CEP43: variants seen among roughly 807,000 people sequenced by gnomAD.
CEP43 encodes FGFR1 oncogene partner.
A neutral mutation model predicts 52.6 loss-of-function variants in CEP43; 36 were observed. The observed-to-expected ratio is 0.68, with a 90% CI of 0.52 to 0.90. The LOEUF is 0.90. Ranked by LOEUF, CEP43 falls within the 40% of genes least tolerant of loss-of-function variation. The pLI, the probability that CEP43 is intolerant of heterozygous loss-of-function variation, is 0.00. For missense variants in CEP43, 506 were observed against 472.8 expected (o/e 1.07, Z -0.65); for synonymous variants, 192 against 172.4 (o/e 1.11, Z -0.89).
At position 167,046,842 on chromosome 6, in the gene CEP43, G is replaced by C. The variant is rs1780806884; in HGVS notation, c.*6864G>C. 1 of 152,260 alleles carries C rather than the reference G, an allele frequency of 6.6e-6. No individual in the cohort carries two copies. The highest frequency in any genetic ancestry group is 2.1e-4 in the South Asian group (1 of 4,828). 9.4% of individuals were successfully genotyped at this position (152,260 alleles called of 1,614,324 possible). A position where few individuals can be genotyped will look rare whatever the true frequency, so the allele number is the denominator to read the frequency against. Reference sequence around the variant, plus strand: ...GTCCATTCTGGCTCCAGAGCTCCCTGAGAGCTTGCCTGGCAAGTTACTCTT... The same window carrying C: ...GTCCATTCTGGCTCCAGAGCTCCCTCAGAGCTTGCCTGGCAAGTTACTCTT... On this transcript the variant is annotated 3_prime_UTR_variant, in exon 13 of 13. Coordinates refer to ENST00000366847, the MANE Select transcript of CEP43 (RefSeq NM_007045.4).
chr6:167,014,061 A>G (rs2128660942), intron 7 of CEP43, among the ~76,000 whole-genome samples: 1 of 152,350 alleles, frequency 6.6e-6, no homozygotes, highest in Non-Finnish European at 1.5e-5. Flanking sequence ...GTTGAATCTT[A>G]AAACCATGCT....
chr6:167,036,814 G>GTTTTT (rs1049631817), intron 12 of CEP43: 1 of 977,114 alleles, frequency 1.0e-6, no homozygotes, highest in Non-Finnish European at 1.2e-6. Flanking sequence ...TTTTGTTTTT[G>GTTTTT]TTTTTGTTTT....
chr6:167,041,174 G>T lies in CEP43; in HGVS notation c.*1196G>T. The T allele has an allele frequency of 9.6e-7, 1 of 1,046,720 alleles. No individual in the cohort carries two copies. The highest frequency in any genetic ancestry group is 1.2e-6 in the Non-Finnish European group (1 of 867,760). The allele number at this position is 1,046,720 out of a possible 1,614,324, so 64.8% of individuals were successfully genotyped here. On this transcript the variant is annotated 3_prime_UTR_variant, in exon 13 of 13. Transcript: ENST00000366847. ...AATTAGACCTAATTCATTGATCTCG[G>T]TTAAGTGAGCAGACTGCATGACTTG...
chr6:167,038,435 T>C (rs1342369805), intron 12 of CEP43, among the ~76,000 whole-genome samples: 1 of 152,246 alleles, frequency 6.6e-6, no homozygotes, highest in Non-Finnish European at 1.5e-5. Flanking sequence ...TTCCAAATTA[T>C]ACATTTTAAT....
intron 11 of CEP43, 61 bp downstream of exon 11, chr6:167,032,703 C>G (rs1780496829): frequency 7.1e-7 from 1 of 1,411,424 alleles, no homozygotes; most frequent in African/African-American, 1.4e-5. Flanking sequence ...AATTTCCGAA[C>G]ACAGACAAGA....
At chr6:167,007,221 A>G (rs1779875230) in intron 5 of CEP43, among the ~76,000 whole-genome samples, 1 of 152,206 alleles carries the variant, frequency 6.6e-6, no homozygotes. Flanking sequence ...GTACCTCAAA[A>G]TGAGACCCAG....
intron 7 of CEP43, among the ~76,000 whole-genome samples, chr6:167,017,839 G>T (rs77009451): frequency 0.025 from 3,869 of 152,154 alleles, 175 homozygotes; most frequent in African/African-American, 0.09. Flanking sequence ...CTTAATGACC[G>T]TTGTAGTGCT....
chr6:167,025,856 T>TA (rs888822980), intron 9 of CEP43, among the ~76,000 whole-genome samples: 1 of 152,206 alleles, frequency 6.6e-6, no homozygotes, highest in African/African-American at 2.4e-5. Context: ...AACAAAGGAC[T>TA]AAAAAACCAG....
In CEP43 at chr6:167,046,516, C is replaced by A. The variant is rs1780803064; in HGVS notation, c.*6538C>A. On this transcript the variant is annotated 3_prime_UTR_variant, in exon 13 of 13. Coordinates refer to ENST00000366847, the MANE Select transcript of CEP43 (RefSeq NM_007045.4). ...AACTACAGGCTTGGAAATGGAATTT[C>A]TTAGCCTAATTTCTAAATTAGAACT... is the stretch of plus-strand genomic sequence containing the variant. 1 of 152,250 alleles carries A rather than the reference C, an allele frequency of 6.6e-6. No homozygotes were observed. Among genetic ancestry groups the A allele is most frequent in the Non-Finnish European group, 1.5e-5 (1 of 68,030 alleles). 9.4% of individuals were successfully genotyped at this position (152,250 alleles called of 1,614,324 possible). A position where few individuals can be genotyped will look rare whatever the true frequency, so the allele number is the denominator to read the frequency against.
rs1399410724 is a variant in CEP43 at position 167,033,930 on chromosome 6, G to A, written c.1084G>A (p.Asp362Asn). The change falls in exon 12 of 13, where the codon GAC (aspartate) becomes AAC (asparagine). Residue 362 changes from aspartate (D) to asparagine (N), a missense_variant. Coordinates refer to ENST00000366847, the MANE Select transcript of CEP43 (RefSeq NM_007045.4). ...AAGTATTGGTGAAGAGATAGAAGAA[G>A]ACCTTTCTGTGGAAATAGATGACAT... The part of the protein sequence containing the change: ...EISIGEEIEE[D>N]LSVEIDDINT... The A allele has an allele frequency of 5.6e-6, 9 of 1,600,626 alleles. No individual in the cohort carries two copies. The highest frequency in any genetic ancestry group is 6.8e-6 in the Non-Finnish European group (8 of 1,170,752).
At position 167,046,284 on chromosome 6, in the gene CEP43, T is replaced by C. The variant is rs1285293631; in HGVS notation, c.*6306T>C. The C allele has an allele frequency of 6.8e-6, 1 of 146,150 alleles. No homozygotes were observed. Among genetic ancestry groups the C allele is most frequent in the Non-Finnish European group, 1.5e-5 (1 of 66,786 alleles). The allele number at this position is 146,150 out of a possible 1,614,324, so 9.1% of individuals were successfully genotyped here. A position where few individuals can be genotyped will look rare whatever the true frequency, so the allele number is the denominator to read the frequency against. On this transcript the variant is annotated 3_prime_UTR_variant, in exon 13 of 13. Transcript: ENST00000366847. ...CTTAACACACATTTCCAAGAAAATA[T>C]CCATCACACTAGAAAGAAAGAAAGA... is the stretch of plus-strand genomic sequence containing the variant.
chr6:167,015,888 A>G (rs966406150), intron 7 of CEP43, among the ~76,000 whole-genome samples: 5 of 152,226 alleles, frequency 3.3e-5, no homozygotes, highest in African/African-American at 4.8e-5. Context: ...AAAATAAAAT[A>G]AAGATTAAAG....
At chr6:167,000,716 C>T (rs903316797) in intron 2 of CEP43, among the ~76,000 whole-genome samples, 16 of 152,182 alleles carry the variant, frequency 1.1e-4, no homozygotes, top group African/African-American at 3.4e-4. Flanking sequence ...ACCTGTATAC[C>T]TAATCTCTAA....
At chr6:167,021,134 G>A (rs1780222322) in intron 7 of CEP43, among the ~76,000 whole-genome samples, 1 of 151,474 alleles carries the variant, frequency 6.6e-6, no homozygotes, top group Non-Finnish European at 1.5e-5. Flanking sequence ...CAGATTCCTT[G>A]TTTCAGTTGA....
intron 12 of CEP43, among the ~76,000 whole-genome samples, chr6:167,038,539 C>G (rs1395225414): frequency 6.6e-6 from 1 of 152,174 alleles, no homozygotes; most frequent in Admixed American, 6.5e-5. Flanking sequence ...TACATTGGGA[C>G]TATGCTCAGG....
chr6:167,036,625 T>C (rs1479287091), intron 12 of CEP43: 13 of 985,314 alleles, frequency 1.3e-5, no homozygotes, highest in Non-Finnish European at 4.8e-6. Flanking sequence ...TCCCGTCGAT[T>C]TGTATGAAGC....
At chr6:167,011,927 G>A (rs996863400) in intron 6 of CEP43, among the ~76,000 whole-genome samples, 1 of 152,152 alleles carries the variant, frequency 6.6e-6, no homozygotes, top group Non-Finnish European at 1.5e-5. Context: ...TTCAACATAG[G>A]AGCTGGGGGT....
At chr6:167,021,740 G>T (rs578199783) in intron 7 of CEP43, among the ~76,000 whole-genome samples, 176 of 151,420 alleles carry the variant, frequency 1.2e-3, no homozygotes, top group South Asian at 2.7e-3. Flanking sequence ...ACGTATATAT[G>T]TCCATGGACA....
intron 5 of CEP43, among the ~76,000 whole-genome samples, chr6:167,006,096 G>A (rs1379515534): frequency 6.6e-6 from 1 of 152,210 alleles, no homozygotes; most frequent in Non-Finnish European, 1.5e-5. Flanking sequence ...CAGAAGTATC[G>A]CGCCTACAGG....
Sources: gnomAD v4.1 joint callset for allele counts (sites outside exome capture counted in the v4.1 genomes callset) on GRCh38, gnomAD v4.1.1 for gene constraint, MANE v1.5 for transcripts, NCBI Gene and HGNC (gene_info 2026-07-23, HGNC 2026-07-21) for gene names.